NCAPG: variants seen among roughly 807,000 people sequenced by gnomAD.
The protein encoded by NCAPG is non-SMC condensin I complex subunit G, also known as condensin complex subunit 3.
A neutral mutation model predicts 113.1 loss-of-function variants in NCAPG; 69 were observed. That is an observed-to-expected ratio of 0.61 (90% confidence interval 0.50 to 0.75). The LOEUF is 0.75. Ranked by LOEUF, NCAPG falls within the 30% of genes least tolerant of loss-of-function variation. The probability of loss-of-function intolerance (pLI) is 0.00; values close to 1 mark genes in which losing one functional copy is unlikely to be tolerated. For missense variants in NCAPG, 1,058 were observed against 1,177.0 expected (o/e 0.90, Z 1.48); for synonymous variants, 370 against 415.8 (o/e 0.89, Z 1.34).
chr4:17,817,947 T>C lies in NCAPG; in HGVS notation c.977T>C (p.Ile326Thr). 6.3e-7 allele frequency: 1 copy of C among 1,594,654 alleles called. No individual in the cohort carries two copies. ...LCKNNDGRKL[I>T]PVETLTPEIA... is the part of the protein sequence containing the mutation. ...CTTTCTTTTAAATGAAGGAAATTGA[T>C]TCCAGTGGAAACATTAACTCCTGAA... Residue 326 changes from isoleucine to threonine, a missense_variant, in exon 7 of 21, where the codon ATT becomes ACT. Physicochemically the swap from Ile to Thr is moderately conservative, Grantham distance 89 (BLOSUM62 -1). Transcript: ENST00000251496.
At chr4:17,828,620 T>C (rs983259253) in intron 12 of NCAPG, among the ~76,000 whole-genome samples, 1 of 152,120 alleles carries the variant, frequency 6.6e-6, no homozygotes, top group Non-Finnish European at 1.5e-5. Flanking sequence ...AAAAAATGAT[T>C]TTATACTGGA....
chr4:17,822,277 C>T (rs1023255343), intron 7 of NCAPG, among the ~76,000 whole-genome samples: 2 of 149,816 alleles, frequency 1.3e-5, no homozygotes, highest in South Asian at 4.2e-4. Context: ...CACTGCAACC[C>T]CTGCCTCCTG....
intron 17 of NCAPG, 109 bp downstream of exon 17, chr4:17,839,946 G>C: frequency 6.9e-7 from 1 of 1,440,374 alleles, no homozygotes; most frequent in Non-Finnish European, 9.3e-7. Flanking sequence ...TGACTTATTT[G>C]AAGTATTTTC....
At chr4:17,837,540 AT>A in intron 15 of NCAPG, 86 bp from the exon 16 acceptor site, 17 of 1,432,996 alleles carry the variant, frequency 1.2e-5, no homozygotes, top group Non-Finnish European at 1.6e-5. Context: ...TAATGAGTGA[AT>A]TTCCTACATA....
intron 13 of NCAPG, among the ~76,000 whole-genome samples, chr4:17,832,687 A>T (rs1721911940): frequency 2.0e-5 from 3 of 152,080 alleles, no homozygotes; most frequent in Admixed American, 6.6e-5. Context: ...TAGAGATAGG[A>T]TGTTGCCTGA....
chr4:17,821,745 G>A (rs1721464924), intron 7 of NCAPG, among the ~76,000 whole-genome samples: 2 of 150,514 alleles, frequency 1.3e-5, no homozygotes, highest in Non-Finnish European at 2.9e-5. Context: ...GATTACAGGT[G>A]TGAGCCACTG....
intron 16 of NCAPG, 108 bp downstream of exon 16, chr4:17,837,909 C>A: frequency 1.7e-6 from 2 of 1,183,620 alleles, no homozygotes; most frequent in Non-Finnish European, 2.5e-6. Context: ...AGACTTCTGT[C>A]TCAAGCATAT....
In NCAPG at chr4:17,824,960, A is replaced by G. The variant is rs1721599761; in HGVS notation, c.1384-8A>G. The G allele has an allele frequency of 6.2e-7, 1 of 1,603,314 alleles. No individual in the cohort carries two copies. Among genetic ancestry groups the G allele is most frequent in the Non-Finnish European group, 8.5e-7 (1 of 1,171,738 alleles). Reference sequence around the variant, plus strand: ...ACATATATTAAAGCATGTACTCTGAACTTACAGGTTACAGAAATTATCTCA... The same window carrying G: ...ACATATATTAAAGCATGTACTCTGAGCTTACAGGTTACAGAAATTATCTCA... On this transcript the variant is annotated splice_region_variant and splice_polypyrimidine_tract_variant and intron_variant, in intron 9 of 20. Transcript: ENST00000251496.
intron 2 of NCAPG, among the ~76,000 whole-genome samples, chr4:17,812,708 C>A (rs560764560): frequency 6.6e-6 from 1 of 152,112 alleles, no homozygotes. Context: ...TGTAACTTAG[C>A]AAAGACTTCT....
At position 17,843,564 on chromosome 4, in the gene NCAPG, G is replaced by T; in HGVS notation, c.*139G>T. On this transcript the variant is annotated 3_prime_UTR_variant, in exon 21 of 21. Transcript: ENST00000251496. The stretch of plus-strand genomic sequence containing the variant: ...TGCTGTGCGCTTCCACGTTACTTTG[G>T]CCTGTATTAAAGCAGTAGAGCAGCA... 1 of 930,890 alleles carries T rather than the reference G, an allele frequency of 1.1e-6. No individual in the cohort carries two copies. 57.7% of individuals were successfully genotyped at this position (930,890 alleles called of 1,614,324 possible). A position where few individuals can be genotyped will look rare whatever the true frequency, so the allele number is the denominator to read the frequency against.
At chr4:17,835,616 G>T (rs1722064227) in intron 14 of NCAPG, among the ~76,000 whole-genome samples, 1 of 152,180 alleles carries the variant, frequency 6.6e-6, no homozygotes, top group African/African-American at 2.4e-5. Context: ...TACTCATTAA[G>T]CAGTTGCTCC....
chr4:17,811,225 G>C lies in NCAPG; in HGVS notation c.111+37G>C. The C allele has an allele frequency of 7.5e-7, 1 of 1,341,252 alleles. No homozygotes were observed. Among genetic ancestry groups the C allele is most frequent in the Non-Finnish European group, 9.9e-7 (1 of 1,007,646 alleles). 83.1% of individuals were successfully genotyped at this position (1,341,252 alleles called of 1,614,324 possible). On this transcript the variant is annotated intron_variant, in intron 1 of 20. Transcript: ENST00000251496. This position sits in a 1 kb window ranked among gnomAD's most constrained non-coding sequence, Gnocchi z 5.3. ...CGGCCCCGGCCGCCGCCTCTCGCCC[G>C]CCCCGGCCCACCCTCCCTCAGGGGC...
In NCAPG at chr4:17,844,083, G is replaced by A. The variant is rs571945747; in HGVS notation, c.*658G>A. ...GGATTAGGGAGGTGTCAACATAAAT[G>A]TATTATTAACCATGAAGCTGCTCGC... On this transcript the variant is annotated 3_prime_UTR_variant, in exon 21 of 21. Coordinates refer to ENST00000251496, the MANE Select transcript of NCAPG (RefSeq NM_022346.5). 1 of 151,994 alleles carries A rather than the reference G, an allele frequency of 6.6e-6. No individual in the cohort carries two copies. The highest frequency in any genetic ancestry group is 2.1e-4 in the South Asian group (1 of 4,830). The allele number at this position is 151,994 out of a possible 1,614,324, so 9.4% of individuals were successfully genotyped here. A position where few individuals can be genotyped will look rare whatever the true frequency, so the allele number is the denominator to read the frequency against.
At position 17,834,516 on chromosome 4, in the gene NCAPG, A is replaced by T. The variant is rs768619158; in HGVS notation, c.2102A>T (p.Asp701Val). ...NVLKLLSDFL[D>V]SEVSELRTGA... ...CTGAAACTCCTTTCTGATTTCTTAG[A>T]TAGTGAGGTAAGAAATAATCCAGTC... Residue 701 changes from aspartate (D) to valine (V), a missense_variant, in exon 14 of 21, where the codon GAT becomes GTT. Transcript: ENST00000251496. The T allele has an allele frequency of 1.0e-5, 16 of 1,576,478 alleles. No homozygotes were observed. Among genetic ancestry groups the T allele is most frequent in the African/African-American group, 1.4e-5 (1 of 73,484 alleles).
At chr4:17,837,862 A>T (rs1722166586) in intron 16 of NCAPG, 61 bp downstream of exon 16, 25 of 1,574,394 alleles carry the variant, frequency 1.6e-5, no homozygotes, top group Non-Finnish European at 2.2e-5. Context: ...TCTCTCAAAG[A>T]TCCCTTGAAA....
rs1560239642 is a variant in NCAPG at position 17,844,228 on chromosome 4, C to A, written c.*803C>A. On this transcript the variant is annotated 3_prime_UTR_variant, in exon 21 of 21. Coordinates refer to ENST00000251496, the MANE Select transcript of NCAPG (RefSeq NM_022346.5). Reference sequence around the variant, plus strand: ...CCAATTTATGAGCACTATTCACTGTCAATTTCATTTCTTGTCTTTTGAAAT... The same window carrying A: ...CCAATTTATGAGCACTATTCACTGTAAATTTCATTTCTTGTCTTTTGAAAT... 6.6e-6 allele frequency: 1 copy of A among 152,346 alleles called. No individual in the cohort carries two copies. The highest frequency in any genetic ancestry group is 1.9e-4 in the East Asian group (1 of 5,188). 9.4% of individuals were successfully genotyped at this position (152,346 alleles called of 1,614,324 possible). A position where few individuals can be genotyped will look rare whatever the true frequency, so the allele number is the denominator to read the frequency against.
chr4:17,843,701 T>C lies in NCAPG; in HGVS notation c.*276T>C, dbSNP rs1387908540. The C allele has an allele frequency of 4.3e-6, 1 of 232,530 alleles. No individual in the cohort carries two copies. The highest frequency in any genetic ancestry group is 8.6e-6 in the Non-Finnish European group (1 of 116,244). 14.4% of individuals were successfully genotyped at this position (232,530 alleles called of 1,614,324 possible). A position where few individuals can be genotyped will look rare whatever the true frequency, so the allele number is the denominator to read the frequency against. ...AAATAGTCTCTCCAAGTGATTCTTA[T>C]GAACTCTTTATGTTTAAAATCATGT... On this transcript the variant is annotated 3_prime_UTR_variant, in exon 21 of 21. Transcript: ENST00000251496.
chr4:17,842,188 G>A, intron 19 of NCAPG, 122 bp from the exon 20 acceptor site: 1 of 733,634 alleles, frequency 1.4e-6, no homozygotes, highest in Non-Finnish European at 2.3e-6. Flanking sequence ...GAACAAGTAG[G>A]AGATACATGT....
chr4:17,823,948 AT>A (rs1721557947), intron 9 of NCAPG, among the ~76,000 whole-genome samples, 178 bp downstream of exon 9: 2 of 152,148 alleles, frequency 1.3e-5, no homozygotes, highest in African/African-American at 4.8e-5. Context: ...TATTTGAAAA[AT>A]GTCACCTTCT....
Sources: allele counts gnomAD v4.1 joint callset (sites outside exome capture counted in the v4.1 genomes callset), GRCh38; gene constraint gnomAD v4.1.1; non-coding constraint Gnocchi (gnomAD v3.1); transcripts MANE v1.5; gene names NCBI Gene and HGNC (gene_info 2026-07-23, HGNC 2026-07-21).